CACNA1D: variants seen among roughly 807,000 people sequenced by gnomAD.
CACNA1D encodes the protein voltage-dependent L-type calcium channel subunit alpha-1D.
In CACNA1D, 55 loss-of-function variants were observed where a neutral mutation model predicts 257.1. That is an observed-to-expected ratio of 0.21 (90% confidence interval 0.17 to 0.27). The LOEUF (loss-of-function observed/expected upper bound fraction) is 0.27, where lower values mean the gene tolerates loss of function less well. CACNA1D is among the 10% of genes least tolerant of loss of function. The pLI is 1.00. For synonymous variants in CACNA1D, 980 were observed against 1,014.9 expected (o/e 0.97, Z 0.65); for missense variants, 1,876 against 2,784.0 (o/e 0.67, Z 7.34).
intron 8 of CACNA1D, among the ~76,000 whole-genome samples, chr3:53,688,197 T>A (rs978033125): frequency 1.3e-5 from 2 of 152,230 alleles, no homozygotes; most frequent in African/African-American, 4.8e-5. Context: ...CTCCACAGAC[T>A]CGGCCTTGGG....
At chr3:53,511,348 C>T (rs1423461356) in intron 3 of CACNA1D, among the ~76,000 whole-genome samples, 1 of 152,130 alleles carries the variant, frequency 6.6e-6, no homozygotes, top group East Asian at 1.9e-4. Context: ...GGTTTCCCAG[C>T]AGCGGCGGCG....
intron 11 of CACNA1D, among the ~76,000 whole-genome samples, chr3:53,721,366 G>A (rs1013195467): frequency 6.6e-6 from 1 of 152,124 alleles, no homozygotes; most frequent in African/African-American, 2.4e-5. Context: ...CTTGACTCAG[G>A]CCCCCAGAGG....
At chr3:53,575,205 C>G (rs1275125936) in intron 3 of CACNA1D, among the ~76,000 whole-genome samples, 2 of 152,150 alleles carry the variant, frequency 1.3e-5, no homozygotes, top group African/African-American at 4.8e-5. Context: ...AGCGTGATAC[C>G]CGATCTGTGC....
intron 15 of CACNA1D, among the ~76,000 whole-genome samples, chr3:53,729,072 CA>C (rs1422972747): frequency 3.3e-5 from 5 of 152,290 alleles, no homozygotes; most frequent in African/African-American, 1.2e-4. Context: ...ATACTCAGTA[CA>C]GCTAGTCTCA....
At chr3:53,572,370 GTTTGTTTA>G (rs1306229227) in intron 3 of CACNA1D, among the ~76,000 whole-genome samples, 32 of 133,868 alleles carry the variant, frequency 2.4e-4, no homozygotes, top group African/African-American at 9.4e-4. Flanking sequence ...TTGTTTGTTT[GTTTGTTTA>G]TTTATTTATT....
chr3:53,748,420 T>C (rs2108859300), intron 26 of CACNA1D, among the ~76,000 whole-genome samples: 1 of 152,256 alleles, frequency 6.6e-6, no homozygotes, highest in Non-Finnish European at 1.5e-5. Flanking sequence ...GTGGGGCTTG[T>C]TCATTAGGGA....
intron 37 of CACNA1D, among the ~76,000 whole-genome samples, chr3:53,778,038 G>A (rs1470065744): frequency 6.6e-6 from 1 of 152,104 alleles, no homozygotes; most frequent in Admixed American, 6.6e-5. Flanking sequence ...CAGAAACCAA[G>A]GTAGCAGAAC....
chr3:53,613,544 CTGTG>C (rs5849000), intron 3 of CACNA1D, among the ~76,000 whole-genome samples: 5 of 150,474 alleles, frequency 3.3e-5, no homozygotes, highest in Admixed American at 6.6e-5. Context: ...GCACGGCCAT[CTGTG>C]TGTGTGTGTG....
At chr3:53,568,935 G>A (rs2092897319) in intron 3 of CACNA1D, among the ~76,000 whole-genome samples, 2 of 152,074 alleles carry the variant, frequency 1.3e-5, no homozygotes, top group Admixed American at 1.3e-4. Flanking sequence ...TGGTCTTCCT[G>A]CTGTTAAATC....
At chr3:53,709,677 C>T (rs540829615) in intron 9 of CACNA1D, among the ~76,000 whole-genome samples, 1 of 152,170 alleles carries the variant, frequency 6.6e-6, no homozygotes, top group South Asian at 2.1e-4. Context: ...TTAGAGTGAT[C>T]ATGGAATCAT....
At position 53,776,908 on chromosome 3, in the gene CACNA1D, G is replaced by A; in HGVS notation, c.4539G>A (p.Gln1513=). The A allele has an allele frequency of 6.2e-7, 1 of 1,614,188 alleles. No homozygotes were observed. Among genetic ancestry groups the A allele is most frequent in the South Asian group, 1.1e-5 (1 of 91,086 alleles). The change falls in exon 37 of 48, where the codon CAG becomes CAA. Residue 1513 remains glutamine, a synonymous_variant. Transcript: ENST00000350061. ...LDVVTLLRRI[Q]PPLGFGKLCP... ...TGGTCACTCTGCTTCGACGCATCCA[G>A]CCTCCCCTGGGGTTTGGGAAGTTAT...
chr3:53,676,905 G>A (rs1322958103), intron 8 of CACNA1D, among the ~76,000 whole-genome samples: 1 of 152,154 alleles, frequency 6.6e-6, no homozygotes, highest in Non-Finnish European at 1.5e-5. Flanking sequence ...TCTGTGGGAG[G>A]GGCTGAGAAT....
At chr3:53,646,574 A>G (rs2094023431) in intron 3 of CACNA1D, among the ~76,000 whole-genome samples, 1 of 152,150 alleles carries the variant, frequency 6.6e-6, no homozygotes, top group Non-Finnish European at 1.5e-5. Context: ...CCCTTTCAAT[A>G]GAGAATCCAG....
intron 29 of CACNA1D, among the ~76,000 whole-genome samples, chr3:53,761,764 G>A (rs1220999443): frequency 6.6e-6 from 1 of 151,612 alleles, no homozygotes; most frequent in Non-Finnish European, 1.5e-5. Context: ...GTGTGTGTGT[G>A]TATGCACACG....
intron 3 of CACNA1D, among the ~76,000 whole-genome samples, chr3:53,544,860 C>T (rs1673245201): frequency 6.6e-6 from 1 of 152,192 alleles, no homozygotes; most frequent in Admixed American, 6.5e-5. Flanking sequence ...TGCTTCATCC[C>T]TCATTCGAGG....
chr3:53,665,446 C>T (rs2094252182), intron 5 of CACNA1D, among the ~76,000 whole-genome samples: 1 of 152,154 alleles, frequency 6.6e-6, no homozygotes, highest in Non-Finnish European at 1.5e-5. Context: ...TAGTTTTTCC[C>T]TCTGTCTAGT....
intron 3 of CACNA1D, among the ~76,000 whole-genome samples, chr3:53,513,830 G>A (rs1017809935): frequency 6.6e-6 from 1 of 152,068 alleles, no homozygotes; most frequent in Non-Finnish European, 1.5e-5. Context: ...TGTACCTTTT[G>A]TATATTTAGA....
At chr3:53,810,415 A>G in intron 47 of CACNA1D, 117 bp downstream of exon 47, 1 of 954,138 alleles carries the variant, frequency 1.0e-6, no homozygotes, top group Non-Finnish European at 1.7e-6. Context: ...AGGCTGCCTC[A>G]ATCAGACACT....
chr3:53,537,624 T>C lies in CACNA1D; in HGVS notation c.483+35904T>C, dbSNP rs1283031946. On this transcript the variant is annotated intron_variant, in intron 3 of 47. Coordinates refer to ENST00000350061, the MANE Select transcript of CACNA1D (RefSeq NM_001128840.3). ...ATAATTGTCTCCCCACACCCACAGT[T>C]GTCTTTTAAATGTCATAGTTTATTT... Among the ~76,000 whole-genome samples the C allele has an allele frequency of 3.3e-5, 5 of 152,324 alleles. No homozygotes were observed. In the East Asian group the frequency reaches 9.6e-4, roughly 29 times the overall value.
Sources: gnomAD v4.1 joint callset for allele counts (sites outside exome capture counted in the v4.1 genomes callset) on GRCh38, gnomAD v4.1.1 for gene constraint, MANE v1.5 for transcripts, NCBI Gene and HGNC (gene_info 2026-07-23, HGNC 2026-07-21) for gene names.